TPH2: variants seen among roughly 807,000 people sequenced by gnomAD.
The protein encoded by TPH2 is tryptophan hydroxylase 2, also known as tryptophan 5-hydroxylase 2.
Under a neutral mutation model 59.1 loss-of-function variants are expected in TPH2, and 27 were observed. That is an observed-to-expected ratio of 0.46 (90% CI 0.34 to 0.63). The LOEUF is 0.63. Among genes scored for constraint, TPH2 ranks in the 30% least tolerant of loss-of-function variants. The probability of loss-of-function intolerance (pLI) is 0.01; values close to 1 mark genes in which losing one functional copy is unlikely to be tolerated. For synonymous variants in TPH2, 220 were observed against 210.5 expected (o/e 1.05, Z -0.39); for missense variants, 523 against 588.3 (o/e 0.89, Z 1.15).
chr12:71,964,807 T>C (rs1871771123), intron 5 of TPH2: 1 of 918,598 alleles, frequency 1.1e-6, no homozygotes, highest in Non-Finnish European at 1.3e-6. Flanking sequence ...ACTTTAGGTT[T>C]AGGGGTACAT....
chr12:71,991,707 C>T (rs137861398), intron 7 of TPH2, among the ~76,000 whole-genome samples: 25 of 152,242 alleles, frequency 1.6e-4, no homozygotes, highest in Non-Finnish European at 2.4e-4. Flanking sequence ...GGTCCACTCC[C>T]GGCTTAGAAC....
chr12:72,012,747 A>G (rs1873133151), intron 8 of TPH2, among the ~76,000 whole-genome samples: 1 of 152,192 alleles, frequency 6.6e-6, no homozygotes, highest in African/African-American at 2.4e-5. Context: ...AATGCATGAC[A>G]TTCCTGTTAG....
chr12:72,019,687 C>G (rs922683443), intron 8 of TPH2, among the ~76,000 whole-genome samples: 27 of 152,320 alleles, frequency 1.8e-4, no homozygotes, highest in Admixed American at 1.5e-3. Context: ...CCTGTCTCAT[C>G]CCAGTAGCAT....
In TPH2 at chr12:71,972,559, A is replaced by G; in HGVS notation, c.649A>G (p.Thr217Ala). The change falls in exon 6 of 11, where the codon ACT becomes GCT. Residue 217 changes from threonine (T) to alanine (A), a missense_variant. Thr to Ala is a moderately conservative substitution (Grantham distance 58). Coordinates refer to ENST00000333850, the MANE Select transcript of TPH2 (RefSeq NM_173353.4). ...CAGGGTGGAGTATACTGAAGAAGAA[A>G]CTAAAACTTGGGGTGTTGTATTCCG... ...IPRVEYTEEE[T>A]KTWGVVFREL... The G allele has an allele frequency of 6.2e-7, 1 of 1,614,084 alleles. No individual in the cohort carries two copies. Among genetic ancestry groups the G allele is most frequent in the Non-Finnish European group, 8.5e-7 (1 of 1,179,986 alleles).
rs74510566 is a variant in TPH2, at chr12:71,941,613, C to T, written c.135C>T (p.Asp45=). The T allele has an allele frequency of 2.0e-5, 32 of 1,613,920 alleles. No individual in the cohort carries two copies. The highest frequency in any genetic ancestry group is 1.2e-4 in the Admixed American group (7 of 59,954). Residue 45 remains aspartate, a synonymous_variant, in exon 2 of 11, where the codon GAC becomes GAT. Coordinates refer to ENST00000333850, the MANE Select transcript of TPH2 (RefSeq NM_173353.4). ...TLNKPNSGKN[D]DKGNKGSSKR... is the part of the protein sequence containing the mutation. ...ATAAACCTAACTCTGGCAAAAATGACGACAAAGGCAACAAGGGAAGCAGCA... is the reference window on the plus strand; with the variant it reads ...ATAAACCTAACTCTGGCAAAAATGATGACAAAGGCAACAAGGGAAGCAGCA...
At chr12:72,019,860 AT>A (rs1314115140) in intron 8 of TPH2, among the ~76,000 whole-genome samples, 1 of 152,202 alleles carries the variant, frequency 6.6e-6, no homozygotes, top group African/African-American at 2.4e-5. Context: ...GGATGGATCG[AT>A]GTCACAGGCA....
At chr12:72,000,567 T>C (rs563367171) in intron 8 of TPH2, among the ~76,000 whole-genome samples, 196 of 152,140 alleles carry the variant, frequency 1.3e-3, no homozygotes, top group Non-Finnish European at 2.4e-3. Context: ...GCAGGAATGG[T>C]GGGTGGCATT....
intron 1 of TPH2, among the ~76,000 whole-genome samples, chr12:71,940,727 A>G (rs1037446120): frequency 2.0e-5 from 3 of 152,162 alleles, no homozygotes; most frequent in Non-Finnish European, 4.4e-5. Context: ...ATTTCTGGCA[A>G]TGTGACCTGA....
chr12:71,960,738 C>G (rs1009135320), intron 5 of TPH2, among the ~76,000 whole-genome samples: 1 of 152,082 alleles, frequency 6.6e-6, no homozygotes, highest in African/African-American at 2.4e-5. Flanking sequence ...AACAGTTGCA[C>G]CAAATTCTAA....
chr12:72,019,054 T>G (rs919383467), intron 8 of TPH2, among the ~76,000 whole-genome samples: 10 of 152,228 alleles, frequency 6.6e-5, no homozygotes, highest in African/African-American at 1.7e-4. Flanking sequence ...ATTACTTCCC[T>G]TCATTGCACC....
At chr12:71,980,124 C>T (rs12231408) in intron 7 of TPH2, among the ~76,000 whole-genome samples, 10,000 of 152,166 alleles carry the variant, frequency 0.066, 520 homozygotes, top group South Asian at 0.17. Context: ...TGAGCAAAGA[C>T]TTGAATGTGT....
intron 6 of TPH2, among the ~76,000 whole-genome samples, chr12:71,974,991 T>A (rs891757134): frequency 6.6e-6 from 1 of 152,212 alleles, no homozygotes; most frequent in Non-Finnish European, 1.5e-5. Context: ...TTTAGGCTTT[T>A]CGGGCCAAGA....
chr12:71,944,056 G>A (rs1006256718), intron 2 of TPH2, among the ~76,000 whole-genome samples: 1 of 151,928 alleles, frequency 6.6e-6, no homozygotes, highest in African/African-American at 2.4e-5. Context: ...TATTTTAAAT[G>A]CCCCTTCTAT....
At chr12:71,961,460 A>T in intron 5 of TPH2, 1 of 1,158,424 alleles carries the variant, frequency 8.6e-7, no homozygotes. Flanking sequence ...GATAGGGCCT[A>T]GTAGTTAGCT....
At chr12:72,017,195 T>A (rs1873278355) in intron 8 of TPH2, among the ~76,000 whole-genome samples, 1 of 152,212 alleles carries the variant, frequency 6.6e-6, no homozygotes, top group African/African-American at 2.4e-5. Context: ...CTTTTGCCAC[T>A]GCCCATTTGG....
chr12:72,002,405 A>C (rs12301107), intron 8 of TPH2, among the ~76,000 whole-genome samples: 1 of 152,082 alleles, frequency 6.6e-6, no homozygotes, highest in African/African-American at 2.4e-5. Flanking sequence ...ATGAGAATAC[A>C]CTGTAGTAAT....
intron 8 of TPH2, among the ~76,000 whole-genome samples, chr12:72,016,005 A>C (rs569605286): frequency 6.6e-6 from 1 of 152,328 alleles, no homozygotes; most frequent in East Asian, 1.9e-4. Context: ...TTGTATCCAT[A>C]AGTGCAGTTA....
chr12:72,014,052 G>A (rs1489283429), intron 8 of TPH2, among the ~76,000 whole-genome samples: 4 of 152,274 alleles, frequency 2.6e-5, no homozygotes, highest in East Asian at 3.9e-4. Flanking sequence ...AGTCGTGAAA[G>A]GCATTTGGAC....
chr12:72,013,191 A>G (rs547064993), intron 8 of TPH2, among the ~76,000 whole-genome samples: 5 of 152,248 alleles, frequency 3.3e-5, no homozygotes, highest in African/African-American at 1.2e-4. Flanking sequence ...AGGTTTTTAC[A>G]TTTTAATTCA....
Sources: allele counts gnomAD v4.1 joint callset (sites outside exome capture counted in the v4.1 genomes callset), GRCh38; gene constraint gnomAD v4.1.1; transcripts MANE v1.5; gene names NCBI Gene and HGNC (gene_info 2026-07-23, HGNC 2026-07-21).